The following AGAP1 variants were observed in gnomAD, a reference collection of about 807,000 sequenced individuals.
AGAP1 encodes ArfGAP with GTPase domain, ankyrin repeat and PH domain 1.
In AGAP1, 29 loss-of-function variants were observed where a neutral mutation model predicts 105.3. The observed-to-expected ratio is 0.28, with a 90% CI of 0.21 to 0.38. AGAP1 has a LOEUF of 0.38. Among genes scored for constraint, AGAP1 ranks in the 10% least tolerant of loss-of-function variants. The pLI, the probability that AGAP1 is intolerant of heterozygous loss-of-function variation, is 1.00. For synonymous variants in AGAP1, 509 were observed against 485.9 expected (o/e 1.05, Z -0.63); for missense variants, 998 against 1,165.1 (o/e 0.86, Z 2.09).
chr2:236,063,080 G>A (rs991785973), intron 16 of AGAP1, among the ~76,000 whole-genome samples: 11 of 152,028 alleles, frequency 7.2e-5, no homozygotes, highest in South Asian at 6.2e-4. Context: ...GAGGCACTGC[G>A]CCCCGCTGTA....
In AGAP1 at chr2:236,087,825, T is replaced by G. The variant is rs2058970819; in HGVS notation, c.2115-32367T>G. 6.6e-6 allele frequency among the ~76,000 whole-genome samples: 1 copy of G among 152,136 alleles called. No individual in the cohort carries two copies. The highest frequency in any genetic ancestry group is 1.5e-5 in the Non-Finnish European group (1 of 68,032). ...TATCACAAGGCTTTTGAATGGGCTA[T>G]GGGGAGGAATAGACCAGAGGTCTTT... On this transcript the variant is annotated intron_variant, in intron 16 of 17. Coordinates refer to ENST00000304032, the MANE Select transcript of AGAP1 (RefSeq NM_001037131.3). The surrounding 1 kb of genome is among the most constrained non-coding windows in gnomAD (Gnocchi z 5.7).
At chr2:236,075,215 C>T (rs888442952) in intron 16 of AGAP1, among the ~76,000 whole-genome samples, 1 of 152,004 alleles carries the variant, frequency 6.6e-6, no homozygotes, top group Non-Finnish European at 1.5e-5. Flanking sequence ...GTGGCAGAAA[C>T]GTTCTAAACC....
intron 16 of AGAP1, among the ~76,000 whole-genome samples, chr2:236,100,059 T>G (rs1240106333): frequency 6.6e-6 from 1 of 151,898 alleles, no homozygotes; most frequent in African/African-American, 2.4e-5. Flanking sequence ...TAAAAAAGAA[T>G]CTCAAGATGG....
rs1328548737 is a variant in AGAP1 at position 235,612,196 on chromosome 2, G to T, written c.164-96983G>T. On this transcript the variant is annotated intron_variant, in intron 1 of 17. Transcript: ENST00000304032. This position sits in a 1 kb window ranked among gnomAD's most constrained non-coding sequence, Gnocchi z 4.3. ...GTGAAGCCCAGGTAACCTGCTGCTT[G>T]GGTGTACGCTGGGCGGGTTCGCAGT... Among the ~76,000 whole-genome samples, 1 of 152,176 alleles carries T rather than the reference G, an allele frequency of 6.6e-6. No homozygotes were observed. The highest frequency in any genetic ancestry group is 1.5e-5 in the Non-Finnish European group (1 of 68,046).
chr2:235,661,528 T>TG (rs1480742928), intron 1 of AGAP1, among the ~76,000 whole-genome samples: 4 of 32,698 alleles, frequency 1.2e-4, no homozygotes, highest in South Asian at 1.1e-3. Context: ...GCCAGGGCTG[T>TG]GGGGGTGGGG....
chr2:235,898,762 C>T (rs1243751237), intron 10 of AGAP1, among the ~76,000 whole-genome samples: 2 of 152,106 alleles, frequency 1.3e-5, no homozygotes, highest in Non-Finnish European at 2.9e-5. Context: ...AAGATGTGGA[C>T]ATGGGGACCC....
rs768386973 is a variant in AGAP1, at chr2:236,120,269, C to T, written c.2192C>T (p.Ser731Phe). 7.4e-6 allele frequency: 12 copies of T among 1,613,284 alleles called. No individual in the cohort carries two copies. Among genetic ancestry groups the T allele is most frequent in the East Asian group, 4.5e-5 (2 of 44,846 alleles). ...GCCCCGCTGCCCTGCACGGAGCTGT[C>T]CCTGGGCCAGCACCTGCTGCGGGCC... ...FLAPLPCTEL[S>F]LGQHLLRATA... The change falls in exon 17 of 18, where the codon TCC becomes TTC. Residue 731 changes from serine (S) to phenylalanine (F), a missense_variant. By Grantham distance (155) the Ser-to-Phe change is radical. Transcript: ENST00000304032. The surrounding 1 kb of genome is among the most constrained non-coding windows in gnomAD (Gnocchi z 6.0).
At chr2:235,709,810 A>T (rs902858471) in intron 2 of AGAP1, among the ~76,000 whole-genome samples, 2 of 152,208 alleles carry the variant, frequency 1.3e-5, no homozygotes, top group Non-Finnish European at 2.9e-5. Context: ...AAAGTGGTCC[A>T]TCGCAGCCAC....
intron 9 of AGAP1, among the ~76,000 whole-genome samples, chr2:235,863,125 T>C (rs1479138327): frequency 2.0e-5 from 3 of 152,222 alleles, no homozygotes; most frequent in Non-Finnish European, 4.4e-5. Flanking sequence ...TTTTTGAACA[T>C]TTGATATTTG....
intron 9 of AGAP1, among the ~76,000 whole-genome samples, chr2:235,871,691 A>G (rs1280696807): frequency 6.6e-6 from 1 of 152,246 alleles, no homozygotes; most frequent in Admixed American, 6.5e-5. Flanking sequence ...GAAAATGATC[A>G]TTTGACTGTT....
intron 6 of AGAP1, among the ~76,000 whole-genome samples, chr2:235,757,634 C>T (rs916632319): frequency 2.0e-5 from 3 of 152,178 alleles, no homozygotes; most frequent in African/African-American, 4.8e-5. Flanking sequence ...TTCCCAGTAA[C>T]GGCTCACCTG....
rs1357876865 is a variant in AGAP1, at chr2:236,084,535, A to G, written c.2114+35254A>G. 2.0e-5 allele frequency among the ~76,000 whole-genome samples: 3 copies of G among 152,340 alleles called. No homozygotes were observed. The East Asian group carries it at 5.8e-4, about 29-fold the overall frequency. ...AATTTTCAGACATTTTCTTTCAGGA[A>G]AACCTCTGTTTGGATATAAATCATT... On this transcript the variant is annotated intron_variant, in intron 16 of 17. Coordinates refer to ENST00000304032, the MANE Select transcript of AGAP1 (RefSeq NM_001037131.3).
chr2:235,657,283 T>C (rs1575056254), intron 1 of AGAP1, among the ~76,000 whole-genome samples: 1 of 152,196 alleles, frequency 6.6e-6, no homozygotes, highest in African/African-American at 2.4e-5. Flanking sequence ...TATGTCGCTA[T>C]TTGAGTTTTT....
At chr2:235,942,621 G>A (rs1314668492) in intron 12 of AGAP1, among the ~76,000 whole-genome samples, 2 of 151,164 alleles carry the variant, frequency 1.3e-5, no homozygotes, top group African/African-American at 2.4e-5. Context: ...GCAGTGAGCC[G>A]AGATCATGCC....
chr2:235,972,316 G>A (rs2054681571), intron 13 of AGAP1, among the ~76,000 whole-genome samples: 1 of 152,130 alleles, frequency 6.6e-6, no homozygotes, highest in Admixed American at 6.5e-5. Flanking sequence ...TAGAGTATAA[G>A]AAAAATAGAA....
Position 235,748,319 on chromosome 2 carries a change from C to A in AGAP1, c.539-2035C>A, listed in dbSNP as rs542891085. ...GCCGCAGGTCAGGGTCTCATGGAAG[C>A]TGGGTGGATGCTATGTGGCCTGTGT... On this transcript the variant is annotated intron_variant, in intron 5 of 17. Coordinates refer to ENST00000304032, the MANE Select transcript of AGAP1 (RefSeq NM_001037131.3). Among the ~76,000 whole-genome samples the A allele has an allele frequency of 3.9e-5, 6 of 152,212 alleles. No homozygotes were observed. In the South Asian group the frequency reaches 1.2e-3, roughly 32 times the overall value.
intron 1 of AGAP1, among the ~76,000 whole-genome samples, chr2:235,589,268 C>T (rs895128610): frequency 4.4e-4 from 54 of 123,568 alleles, no homozygotes; most frequent in African/African-American, 6.9e-4. Flanking sequence ...TGCAATGGCG[C>T]GGTCTTGGCT....
chr2:235,715,547 A>G (rs1470221381), intron 2 of AGAP1, among the ~76,000 whole-genome samples: 2 of 152,212 alleles, frequency 1.3e-5, no homozygotes, highest in Admixed American at 1.3e-4. Flanking sequence ...GTTAGCTGCC[A>G]GCAAAGTTGT....
At position 235,710,455 on chromosome 2, in the gene AGAP1, G is replaced by A. The variant is rs137872908; in HGVS notation, c.222+1218G>A. On this transcript the variant is annotated intron_variant, in intron 2 of 17. Transcript: ENST00000304032. The stretch of plus-strand genomic sequence containing the variant: ...TGACACACCCATCCCCACCGCAACC[G>A]CGGGGTGTCATCAGCTGGGCCCATC... 9.5e-4 allele frequency among the ~76,000 whole-genome samples: 144 copies of A among 152,296 alleles called. 1 individual carries two copies. The highest frequency in any genetic ancestry group is 7.3e-3 in the East Asian group (38 of 5,188).
Sources: gnomAD v4.1 joint callset for allele counts (sites outside exome capture counted in the v4.1 genomes callset) on GRCh38, gnomAD v4.1.1 for gene constraint, Gnocchi (gnomAD v3.1) non-coding constraint, MANE v1.5 for transcripts, NCBI Gene and HGNC (gene_info 2026-07-23, HGNC 2026-07-21) for gene names.